Variants in CSNK1E observed in about 807,000 individuals in gnomAD.
CSNK1E encodes casein kinase I isoform epsilon.
A neutral mutation model predicts 46.1 loss-of-function variants in CSNK1E; 17 were observed. That is an observed-to-expected ratio of 0.37 (90% CI 0.25 to 0.55). CSNK1E has a LOEUF of 0.55. Among genes scored for constraint, CSNK1E ranks in the 20% least tolerant of loss-of-function variants. The pLI is 0.82. For synonymous variants in CSNK1E, 241 were observed against 242.6 expected, an observed-to-expected ratio of 0.99 and a Z score of 0.06; for missense variants, 386 against 595.4, an observed-to-expected ratio of 0.65 and a Z score of 3.66.
chr22:38,302,956 C>G lies in CSNK1E; in HGVS notation c.241G>C (p.Val81Leu). Residue 81 changes from valine (V) to leucine (L), a missense_variant, in exon 4 of 11, where the codon GTC becomes CTC. Coordinates refer to ENST00000396832, the MANE Select transcript of CSNK1E (RefSeq NM_152221.3). ...CGAEGDYNVM[V>L]MELLGPSLED... ...AGGCTAGGCCCCAGCAGCTCCATGACCATCACGTTGTAGTCGCCCTCAGCT... is the reference window on the plus strand; with the variant it reads ...AGGCTAGGCCCCAGCAGCTCCATGAGCATCACGTTGTAGTCGCCCTCAGCT... The G allele has an allele frequency of 6.2e-7, 1 of 1,614,156 alleles. No individual in the cohort carries two copies. The highest frequency in any genetic ancestry group is 8.5e-7 in the Non-Finnish European group (1 of 1,180,030).
In CSNK1E at chr22:38,291,321, A is replaced by G. The variant is rs926661511; in HGVS notation, c.*650T>C. The G allele has an allele frequency of 2.1e-5, 3 of 145,458 alleles. No individual in the cohort carries two copies. Among genetic ancestry groups the G allele is most frequent in the African/African-American group, 7.8e-5 (3 of 38,532 alleles). 9.0% of individuals were successfully genotyped at this position (145,458 alleles called of 1,614,324 possible). On this transcript the variant is annotated 3_prime_UTR_variant, in exon 11 of 11. Coordinates refer to ENST00000396832, the MANE Select transcript of CSNK1E (RefSeq NM_152221.3). ...GGCCGTGGCACCTGCTGTCTTGGGA[A>G]ACACAGGTCAATACATCCACACACA...
intron 10 of CSNK1E, 128 bp downstream of exon 10, chr22:38,293,126 TG>T: frequency 1.3e-6 from 1 of 776,976 alleles, no homozygotes. Context: ...CTTAGAGTTC[TG>T]GGGCGCCTGG....
chr22:38,302,040 T>A (rs757536084), intron 4 of CSNK1E, among the ~76,000 whole-genome samples: 1 of 152,218 alleles, frequency 6.6e-6, no homozygotes, highest in Non-Finnish European at 1.5e-5. Flanking sequence ...TAGAGGGGCC[T>A]GTTTTGGCAA....
chr22:38,294,481 G>C lies in CSNK1E; in HGVS notation c.939C>G (p.Arg313=). ...DVDRERREHE[R]EERMGQLRGS... ...CCCGTAGCTGCCCCATCCTCTCCTCGCGTTCGTGTTCTCGCCGCTCCCGGT... is the reference window on the plus strand; with the variant it reads ...CCCGTAGCTGCCCCATCCTCTCCTCCCGTTCGTGTTCTCGCCGCTCCCGGT... The change falls in exon 8 of 11, where the codon CGC becomes CGG. Residue 313 remains arginine (R), a synonymous_variant. Transcript: ENST00000396832. This position sits in a 1 kb window ranked among gnomAD's most constrained non-coding sequence, Gnocchi z 5.5. 6.3e-7 allele frequency: 1 copy of C among 1,593,676 alleles called. No homozygotes were observed.
intron 2 of CSNK1E, among the ~76,000 whole-genome samples, chr22:38,313,832 A>G (rs1250691561): frequency 1.3e-5 from 2 of 152,210 alleles, no homozygotes; most frequent in African/African-American, 2.4e-5. Flanking sequence ...CTGAGGCACA[A>G]AAGAACCGCA....
intron 7 of CSNK1E, chr22:38,296,407 G>C: frequency 1.4e-6 from 2 of 1,420,920 alleles, no homozygotes; most frequent in Non-Finnish European, 9.2e-7. Flanking sequence ...CAGCACCCCG[G>C]TGCAGCCAAC....
chr22:38,303,146 T>A lies in CSNK1E; in HGVS notation c.179A>T (p.Gln60Leu). 1 of 1,443,328 alleles carries A rather than the reference T, an allele frequency of 6.9e-7. No homozygotes were observed. The allele number at this position is 1,443,328 out of a possible 1,614,324, so 89.4% of individuals were successfully genotyped here. A position where few individuals can be genotyped will look rare whatever the true frequency, so the allele number is the denominator to read the frequency against. The part of the protein sequence containing the change: ...HIESKFYKMM[Q>L]GGVGIPSIKW... ...GCCCACCCTGCGCTCACCGCCACCC[T>A]GCATCATCTTGTAGAACTTGCTCTC... Residue 60 changes from glutamine (Q) to leucine (L), a missense_variant, in exon 3 of 11, where the codon CAG becomes CTG. Transcript: ENST00000396832. The surrounding 1 kb of genome is among the most constrained non-coding windows in gnomAD (Gnocchi z 4.7).
intron 2 of CSNK1E, among the ~76,000 whole-genome samples, chr22:38,306,705 T>C (rs1602556641): frequency 6.8e-6 from 1 of 147,944 alleles, no homozygotes; most frequent in Admixed American, 6.8e-5. Context: ...CACTCCAGCC[T>C]GGCGACAGAG....
chr22:38,299,416 G>T (rs916668267), intron 6 of CSNK1E, among the ~76,000 whole-genome samples: 1 of 152,258 alleles, frequency 6.6e-6, no homozygotes, highest in Non-Finnish European at 1.5e-5. Context: ...AGCAACAGGT[G>T]TAACAGCCAG....
rs755290948 is a variant in CSNK1E at position 38,298,941 on chromosome 22, G to A, written c.737-7C>T. 1 of 1,614,094 alleles carries A rather than the reference G, an allele frequency of 6.2e-7. No individual in the cohort carries two copies. The highest frequency in any genetic ancestry group is 8.5e-7 in the Non-Finnish European group (1 of 1,179,988). On this transcript the variant is annotated splice_region_variant and splice_polypyrimidine_tract_variant and intron_variant, in intron 6 of 10. Coordinates refer to ENST00000396832, the MANE Select transcript of CSNK1E (RefSeq NM_152221.3). This position sits in a 1 kb window ranked among gnomAD's most constrained non-coding sequence, Gnocchi z 4.2. ...AGGTATGTTGAGAATTCGGCTGGAG[G>A]GTGTTGCAGAGGATAGAGAAGGCCA...
intron 6 of CSNK1E, 63 bp downstream of exon 6, chr22:38,299,832 A>T: frequency 1.3e-6 from 2 of 1,567,756 alleles, no homozygotes; most frequent in Non-Finnish European, 1.7e-6. Context: ...GTATGGCCTC[A>T]CCTTTCCCTT....
At chr22:38,296,164 T>C (rs2092639405) in intron 7 of CSNK1E, 1 of 1,000,898 alleles carries the variant, frequency 1.0e-6, no homozygotes, top group Non-Finnish European at 1.2e-6. Context: ...CGACTCTCCA[T>C]GGTCCCATCC....
At chr22:38,299,365 G>A (rs79261739) in intron 6 of CSNK1E, among the ~76,000 whole-genome samples, 6,593 of 152,300 alleles carry the variant, frequency 0.043, 436 homozygotes, top group African/African-American at 0.14. Context: ...AAACACTGGG[G>A]AGAGGGCCCT....
chr22:38,307,216 T>A (rs1422622424), intron 2 of CSNK1E, among the ~76,000 whole-genome samples: 2 of 151,898 alleles, frequency 1.3e-5, no homozygotes, highest in Non-Finnish European at 2.9e-5. Context: ...TACAGTACAA[T>A]AACTATTTAC....
chr22:38,295,759 C>T (rs1404716816), intron 7 of CSNK1E, among the ~76,000 whole-genome samples: 1 of 152,188 alleles, frequency 6.6e-6, no homozygotes, highest in Non-Finnish European at 1.5e-5. Context: ...CAGAGTCTTG[C>T]CTTAGAACAC....
At chr22:38,301,595 G>A (rs2092672870) in intron 4 of CSNK1E, among the ~76,000 whole-genome samples, 1 of 152,098 alleles carries the variant, frequency 6.6e-6, no homozygotes, top group African/African-American at 2.4e-5. Context: ...ACCACACCTG[G>A]CTAATTTTTT....
At chr22:38,305,405 T>A (rs370402920) in intron 2 of CSNK1E, among the ~76,000 whole-genome samples, 1 of 136,978 alleles carries the variant, frequency 7.3e-6, no homozygotes. Flanking sequence ...TTTATTTTTA[T>A]CCCTGATTCA....
chr22:38,296,332 G>A, intron 7 of CSNK1E: 2 of 1,339,420 alleles, frequency 1.5e-6, no homozygotes, highest in South Asian at 2.0e-5. Context: ...CAGCTGACTG[G>A]ACCTCGGAAC....
At chr22:38,316,111 G>A (rs113437014) in intron 1 of CSNK1E, among the ~76,000 whole-genome samples, 173 of 151,716 alleles carry the variant, frequency 1.1e-3, no homozygotes, top group African/African-American at 4.0e-3. Context: ...GGGGAGGGGG[G>A]GAGATAAACA....
Sources: gnomAD v4.1 joint callset for allele counts (sites outside exome capture counted in the v4.1 genomes callset) on GRCh38, gnomAD v4.1.1 for gene constraint, Gnocchi (gnomAD v3.1) non-coding constraint, MANE v1.5 for transcripts, NCBI Gene and HGNC (gene_info 2026-07-23, HGNC 2026-07-21) for gene names.